Variants in PROZ observed in about 807,000 individuals in gnomAD.
PROZ encodes the protein vitamin K-dependent protein Z.
PROZ carries 46 observed loss-of-function variants against 34.9 expected under a neutral mutation model. The ratio of observed to expected loss-of-function variants is 1.32; its 90% CI spans 1.04 to 1.69. The LOEUF (loss-of-function observed/expected upper bound fraction) is 1.69. Among genes scored for constraint, PROZ ranks in the 40% most tolerant of loss-of-function variants. The probability of loss-of-function intolerance (pLI) is 0.00; values close to 1 mark genes in which losing one functional copy is unlikely to be tolerated. For synonymous variants in PROZ, 195 were observed against 208.5 expected, an observed-to-expected ratio of 0.94 and a Z score of 0.56; for missense variants, 530 against 520.4, an observed-to-expected ratio of 1.02 and a Z score of -0.18.
Position 113,170,508 on chromosome 13 carries a change from C to T in PROZ, c.669C>T (p.His223=), listed in dbSNP as rs1479185585. 2.5e-6 allele frequency: 4 copies of T among 1,587,004 alleles called. No individual in the cohort carries two copies. Among genetic ancestry groups the T allele is most frequent in the South Asian group, 1.1e-5 (1 of 90,490 alleles). The change falls in exon 7 of 8, where the codon CAC becomes CAT. Residue 223 remains histidine, a synonymous_variant. Transcript: ENST00000375547. ...VLTTAKCSLL[H]RNITVKTYFN... is the part of the protein sequence containing the mutation. ...CAACAGCAAAATGTTCACTGTTACA[C>T]AGGAATATTACTGTAAAAACATGTA...
intron 6 of PROZ, 53 bp from the exon 7 acceptor site, chr13:113,170,360 C>G: frequency 8.7e-7 from 1 of 1,147,798 alleles, no homozygotes; most frequent in African/African-American, 1.5e-5. Flanking sequence ...CTTTACTGCC[C>G]CTAATCCTGC....
At chr13:113,161,120 C>T (rs1455747365) in intron 3 of PROZ, 148 bp downstream of exon 3, 17 of 776,060 alleles carry the variant, frequency 2.2e-5, no homozygotes, top group Admixed American at 7.7e-5. Flanking sequence ...AGGGCAGCTC[C>T]GACTCTCCCC....
At chr13:113,167,288 C>T (rs1213185225) in intron 6 of PROZ, among the ~76,000 whole-genome samples, 2 of 152,290 alleles carry the variant, frequency 1.3e-5, no homozygotes, top group Non-Finnish European at 2.9e-5. Context: ...TTACAGATAA[C>T]GTTCTTGACT....
chr13:113,160,983 T>C lies in PROZ; in HGVS notation c.259+11T>C. ...GGAGACGATATAAGGGTAAGTGGTTTCCTTCGTCTCCTCAGAAGTATTAAT... is the reference window on the plus strand; with the variant it reads ...GGAGACGATATAAGGGTAAGTGGTTCCCTTCGTCTCCTCAGAAGTATTAAT... On this transcript the variant is annotated intron_variant, in intron 3 of 7. Coordinates refer to ENST00000375547, the MANE Select transcript of PROZ (RefSeq NM_003891.3). The C allele has an allele frequency of 2.5e-6, 4 of 1,604,480 alleles. No homozygotes were observed. Among genetic ancestry groups the C allele is most frequent in the Non-Finnish European group, 3.4e-6 (4 of 1,171,900 alleles).
intron 5 of PROZ, 75 bp from the exon 6 acceptor site, chr13:113,164,978 T>A: frequency 1.4e-6 from 2 of 1,417,732 alleles, no homozygotes; most frequent in Non-Finnish European, 2.0e-6. Context: ...ATGCAACGGT[T>A]AACACCATAG....
In PROZ at chr13:113,171,402, T is replaced by C. The variant is rs1447747520; in HGVS notation, c.692-192T>C. On this transcript the variant is annotated intron_variant, in intron 7 of 7. Transcript: ENST00000375547. This position sits in a 1 kb window ranked among gnomAD's most constrained non-coding sequence, Gnocchi z 5.1. ...GTTTTTAAAGGCTGTGGCACTTGGT[T>C]GCAATCGTGCAATCTGTGAGTGGCC... Among the ~76,000 whole-genome samples the C allele has an allele frequency of 3.9e-5, 6 of 152,156 alleles. No homozygotes were observed. The highest frequency in any genetic ancestry group is 8.8e-5 in the Non-Finnish European group (6 of 68,038).
chr13:113,161,783 C>A (rs1566927082), intron 3 of PROZ, among the ~76,000 whole-genome samples: 14 of 136,420 alleles, frequency 1.0e-4, no homozygotes. Context: ...CTGCTCAGGT[C>A]CCCGTCCCTG....
intron 6 of PROZ, among the ~76,000 whole-genome samples, chr13:113,167,121 G>C (rs1241147571): frequency 6.6e-6 from 1 of 152,138 alleles, no homozygotes; most frequent in East Asian, 1.9e-4. Context: ...CAGGACATAG[G>C]GTTGAAGATT....
intron 3 of PROZ, 66 bp downstream of exon 3, chr13:113,161,038 A>C (rs1351946410): frequency 9.0e-6 from 13 of 1,437,888 alleles, no homozygotes; most frequent in Admixed American, 3.3e-5. Context: ...GGGTGGGCTT[A>C]GGACGCTTCA....
At chr13:113,170,933 T>A (rs1356306372) in intron 7 of PROZ, among the ~76,000 whole-genome samples, 1 of 151,982 alleles carries the variant, frequency 6.6e-6, no homozygotes, top group Non-Finnish European at 1.5e-5. Flanking sequence ...TCTTTCTTTT[T>A]TTTTTTTGAG....
Position 113,159,135 on chromosome 13 carries a change from CTT to C in PROZ, c.70+406_70+407del. 7.7e-7 allele frequency: 1 copy of C among 1,299,850 alleles called. No individual in the cohort carries two copies. Among genetic ancestry groups the C allele is most frequent in the East Asian group, 2.5e-5 (1 of 39,708 alleles). 80.5% of individuals were successfully genotyped at this position (1,299,850 alleles called of 1,614,324 possible). On this transcript the variant is annotated intron_variant, in intron 1 of 7. Coordinates refer to ENST00000375547, the MANE Select transcript of PROZ (RefSeq NM_003891.3). This position sits in a 1 kb window ranked among gnomAD's most constrained non-coding sequence, Gnocchi z 4.6. ...GCCAGGCCAGCCAGGAATGCCCAGT[CTT>C]GAGTCAGGAGACATAGCCAGGGAGC...
chr13:113,163,281 C>A (rs982776567), intron 4 of PROZ, among the ~76,000 whole-genome samples, 159 bp downstream of exon 4: 2 of 152,176 alleles, frequency 1.3e-5, no homozygotes, highest in Admixed American at 6.5e-5. Context: ...CTCATCCCAA[C>A]CAGATTCTCC....
At chr13:113,164,691 C>T (rs45596441) in intron 5 of PROZ, 47 bp downstream of exon 5, 60,201 of 1,609,206 alleles carry the variant, frequency 0.037, 1,299 homozygotes, top group Middle Eastern at 0.086. Flanking sequence ...TGCCAGCGAC[C>T]CCGTCCACAT....
intron 6 of PROZ, among the ~76,000 whole-genome samples, chr13:113,168,079 G>T (rs746103055): frequency 6.6e-6 from 1 of 152,078 alleles, no homozygotes; most frequent in Non-Finnish European, 1.5e-5. Context: ...TCCTGACCTG[G>T]GTGCTGGTTT....
intron 3 of PROZ, among the ~76,000 whole-genome samples, chr13:113,161,261 G>C (rs1254803171): frequency 6.6e-6 from 1 of 152,242 alleles, no homozygotes; most frequent in African/African-American, 2.4e-5. Context: ...GGCCCCCCCA[G>C]AGCAGCTCCT....
In PROZ at chr13:113,159,271, C is replaced by CA. The variant is rs1388328505; in HGVS notation, c.70+545dup. 6.5e-7 allele frequency: 1 copy of CA among 1,541,372 alleles called. No individual in the cohort carries two copies. The highest frequency in any genetic ancestry group is 1.4e-5 in the African/African-American group (1 of 72,830). Reference sequence around the variant, plus strand: ...ACAGGCGTCCAGGAAAGCTGCAAGTCAAAACACCCAGCATCCCCGCTGGCC... The same window carrying CA: ...ACAGGCGTCCAGGAAAGCTGCAAGTCAAAAACACCCAGCATCCCCGCTGGCC... On this transcript the variant is annotated intron_variant, in intron 1 of 7. Transcript: ENST00000375547. This position sits in a 1 kb window ranked among gnomAD's most constrained non-coding sequence, Gnocchi z 4.6.
intron 4 of PROZ, among the ~76,000 whole-genome samples, chr13:113,163,683 GCTAATGC>G (rs1240178335): frequency 6.6e-6 from 1 of 151,966 alleles, no homozygotes; most frequent in Non-Finnish European, 1.5e-5. Context: ...TGATGCCCCA[GCTAATGC>G]CTTCACAGAC....
At chr13:113,161,178 C>T (rs891730791) in intron 3 of PROZ, among the ~76,000 whole-genome samples, 1 of 152,234 alleles carries the variant, frequency 6.6e-6, no homozygotes, top group Non-Finnish European at 1.5e-5. Context: ...GGGCCACAGG[C>T]AGTGCCTGGT....
rs549880211 is a variant in PROZ at position 113,171,362 on chromosome 13, GAACT to G, written c.692-228_692-225del. Among the ~76,000 whole-genome samples the G allele has an allele frequency of 1.2e-4, 18 of 152,284 alleles. No individual in the cohort carries two copies. The highest frequency in any genetic ancestry group is 3.4e-4 in the African/African-American group (14 of 41,570). Reference sequence around the variant, plus strand: ...CACCCCACTGCACTCCAAAACAGAAGAACTAACCTTGACTGTTTTTAAAGGCTGT... The same window carrying G: ...CACCCCACTGCACTCCAAAACAGAAGAACCTTGACTGTTTTTAAAGGCTGT... On this transcript the variant is annotated intron_variant, in intron 7 of 7. Coordinates refer to ENST00000375547, the MANE Select transcript of PROZ (RefSeq NM_003891.3). This position sits in a 1 kb window ranked among gnomAD's most constrained non-coding sequence, Gnocchi z 5.1.
Sources: gnomAD v4.1 joint callset for allele counts (sites outside exome capture counted in the v4.1 genomes callset) on GRCh38, gnomAD v4.1.1 for gene constraint, Gnocchi (gnomAD v3.1) non-coding constraint, MANE v1.5 for transcripts, NCBI Gene and HGNC (gene_info 2026-07-23, HGNC 2026-07-21) for gene names.